The following ATRX variants were observed in gnomAD, a reference collection of about 807,000 sequenced individuals.
The protein encoded by ATRX is chromatin remodeler ATRX.
In ATRX, 12 loss-of-function variants were observed where a neutral mutation model predicts 172.6. The observed-to-expected ratio is 0.07, with a 90% confidence interval of 0.04 to 0.11. The LOEUF is 0.11. Among genes scored for constraint, ATRX ranks in the 10% least tolerant of loss-of-function variants. The pLI is 1.00. For missense variants in ATRX, 1,368 were observed against 1,767.4 expected (o/e 0.77, Z 4.05); for synonymous variants, 674 against 594.7 (o/e 1.13, Z -1.94).
chrX:77,731,352 G>A (rs2074290669), intron 1 of ATRX, among the ~76,000 whole-genome samples: 1 of 111,548 alleles, frequency 9.0e-6, no homozygotes, highest in Admixed American at 9.6e-5. Flanking sequence ...AATTCTCCCA[G>A]TAAATAAAAG....
At chrX:77,774,604 C>G (rs1427207921) in intron 1 of ATRX, among the ~76,000 whole-genome samples, 1 of 109,369 alleles carries the variant, frequency 9.1e-6, no homozygotes, top group East Asian at 2.9e-4. Context: ...GTGAACCCAG[C>G]AGGCGGAGCT....
chrX:77,744,238 G>A (rs1444627331), intron 1 of ATRX, among the ~76,000 whole-genome samples: 3 of 112,120 alleles, frequency 2.7e-5, no homozygotes, highest in Admixed American at 9.5e-5. Context: ...GATCACTTAT[G>A]CCCAGGACTT....
intron 15 of ATRX, among the ~76,000 whole-genome samples, chrX:77,640,594 A>G (rs908609505): frequency 2.0e-4 from 22 of 110,925 alleles, no homozygotes; most frequent in African/African-American, 7.2e-4. Flanking sequence ...AAAATATATG[A>G]AAAAAATTTT....
At position 77,522,375 on chromosome X, in the gene ATRX, C is replaced by T. The variant is rs1135401774; in HGVS notation, c.6863G>A (p.Arg2288His). 1 of 1,210,004 alleles carries T rather than the reference C, an allele frequency of 8.3e-7. No homozygotes were observed. The highest frequency in any genetic ancestry group is 1.1e-6 in the Non-Finnish European group (1 of 894,410). The change falls in exon 32 of 35, where the codon CGT becomes CAT. Residue 2288 changes from arginine (R) to histidine (H), a missense_variant. Physicochemically the swap from Arg to His is conservative, Grantham distance 29. Around this residue, in one of 17 missense-constraint regions of ATRX, gnomAD observed 100 missense variants for 153.9 expected, o/e 0.65. Transcript: ENST00000373344. The part of the protein sequence containing the change: ...YEAEKKGLTM[R>H]FNIPTGTNLP... ...ATTGGTCCCAGTTGGTATGTTGAAA[C>T]GCATGGTCAGTCCCTAAAAACAAAA...
At chrX:77,711,486 C>T (rs954671696) in intron 2 of ATRX, among the ~76,000 whole-genome samples, 1 of 112,516 alleles carries the variant, frequency 8.9e-6, no homozygotes, top group Non-Finnish European at 1.9e-5. Flanking sequence ...GGGAAAAATA[C>T]TATTTAGAAC....
At chrX:77,701,860 GTT>G (rs1218830537) in intron 2 of ATRX, among the ~76,000 whole-genome samples, 8 of 111,489 alleles carry the variant, frequency 7.2e-5, no homozygotes, top group African/African-American at 2.3e-4. Context: ...GAGGTCCGGA[GTT>G]CAAGACCAGC....
At chrX:77,736,059 A>G (rs906800738) in intron 1 of ATRX, among the ~76,000 whole-genome samples, 1 of 110,467 alleles carries the variant, frequency 9.1e-6, no homozygotes, top group African/African-American at 3.3e-5. Flanking sequence ...CTATACATAA[A>G]TAAAATCAAA....
At chrX:77,750,882 G>A (rs1463470206) in intron 1 of ATRX, among the ~76,000 whole-genome samples, 2 of 111,946 alleles carry the variant, frequency 1.8e-5, no homozygotes, top group African/African-American at 6.5e-5. Context: ...TGGCTGCATA[G>A]TATTTCATGG....
intron 34 of ATRX, among the ~76,000 whole-genome samples, chrX:77,510,173 C>A (rs1230664446): frequency 8.9e-6 from 1 of 111,764 alleles, no homozygotes; most frequent in Non-Finnish European, 1.9e-5. Flanking sequence ...GATGACATTT[C>A]CAGACATAAC....
At chrX:77,784,562 A>T (rs1299948148) in intron 1 of ATRX, among the ~76,000 whole-genome samples, 2 of 111,884 alleles carry the variant, frequency 1.8e-5, no homozygotes, top group African/African-American at 6.5e-5. Context: ...TGGTAATTAC[A>T]GGCCAACAAG....
At position 77,763,556 on chromosome X, in the gene ATRX, C is replaced by T. The variant is rs781998558; in HGVS notation, c.20+22426G>A. Among the ~76,000 whole-genome samples the T allele has an allele frequency of 1.0e-4, 11 of 108,865 alleles. No homozygotes were observed. The East Asian group carries it at 2.0e-3, about 20-fold the overall frequency. The allele number at this position is 108,865 out of a possible 115,157, so 94.5% of individuals were successfully genotyped here. Reference sequence around the variant, plus strand: ...CACGATCTCGGCTCACTGCAACCTCCGCCTCCCTGGTTCAAGAAATTCTCC... The same window carrying T: ...CACGATCTCGGCTCACTGCAACCTCTGCCTCCCTGGTTCAAGAAATTCTCC... On this transcript the variant is annotated intron_variant, in intron 1 of 34. Coordinates refer to ENST00000373344, the MANE Select transcript of ATRX (RefSeq NM_000489.6).
chrX:77,708,732 TA>T (rs1454518516), intron 2 of ATRX, among the ~76,000 whole-genome samples: 3 of 111,405 alleles, frequency 2.7e-5, no homozygotes, highest in African/African-American at 9.8e-5. Context: ...TTCTTAGAGC[TA>T]GGGGGTGATA....
At chrX:77,667,293 ATATGTGTGTGTGTGTGTGTG>A (rs2070302019) in intron 10 of ATRX, among the ~76,000 whole-genome samples, 1 of 60,563 alleles carries the variant, frequency 1.7e-5, no homozygotes, top group African/African-American at 5.8e-5. Flanking sequence ...GGACGAATAA[ATATGTGTGTGTGTGTGTGTG>A]TGTGTGTGTG....
intron 1 of ATRX, among the ~76,000 whole-genome samples, chrX:77,718,527 C>G (rs782636982): frequency 4.0e-4 from 43 of 108,765 alleles, no homozygotes; most frequent in African/African-American, 1.4e-3. Flanking sequence ...GCGCCCGCCA[C>G]CACGCCCGGC....
At chrX:77,632,159 C>T (rs1362631483) in intron 19 of ATRX, among the ~76,000 whole-genome samples, 2 of 110,322 alleles carry the variant, frequency 1.8e-5, no homozygotes, top group South Asian at 3.9e-4. Flanking sequence ...CCACCATGCC[C>T]GGCCAAAAAT....
At chrX:77,633,119 T>C (rs1340725007) in intron 19 of ATRX, 88 bp downstream of exon 19, 5 of 934,513 alleles carry the variant, frequency 5.4e-6, no homozygotes, top group Non-Finnish European at 7.7e-6. Context: ...ACCAGATACT[T>C]AGTAGCTGTG....
intron 30 of ATRX, among the ~76,000 whole-genome samples, chrX:77,539,604 T>C (rs2063892083): frequency 9.2e-6 from 1 of 108,668 alleles, no homozygotes; most frequent in African/African-American, 3.4e-5. Flanking sequence ...CACCACAGAC[T>C]AACAGCAGAT....
chrX:77,664,861 G>A (rs2148499872), intron 10 of ATRX, 83 bp from the exon 11 acceptor site: 2 of 911,376 alleles, frequency 2.2e-6, no homozygotes, highest in Non-Finnish European at 3.0e-6. Flanking sequence ...AGACTTCTTT[G>A]AATCAAAATA....
At chrX:77,526,857 AGTCAGACATGACT>A (rs1557043953) in intron 30 of ATRX, among the ~76,000 whole-genome samples, 1 of 112,416 alleles carries the variant, frequency 8.9e-6, no homozygotes, top group Non-Finnish European at 1.9e-5. Context: ...TATCCTATCA[AGTCAGACATGACT>A]GTCTAAGGTC....
Sources: gnomAD v4.1 joint callset for allele counts (sites outside exome capture counted in the v4.1 genomes callset) on GRCh38, gnomAD v4.1.1 for gene constraint, gnomAD v4.1.1 regional missense constraint, MANE v1.5 for transcripts, NCBI Gene and HGNC (gene_info 2026-07-23, HGNC 2026-07-21) for gene names.